The following GALNT3 variants were observed in gnomAD, a reference collection of about 807,000 sequenced individuals.
The protein encoded by GALNT3 is polypeptide N-acetylgalactosaminyltransferase 3.
In GALNT3, 51 loss-of-function variants were observed where a neutral mutation model predicts 69.8. The observed-to-expected ratio is 0.73, with a 90% CI of 0.58 to 0.92. The LOEUF (loss-of-function observed/expected upper bound fraction) is 0.92, where lower values mean the gene tolerates loss of function less well. Among genes scored for constraint, GALNT3 ranks in the 40% least tolerant of loss-of-function variants. The pLI, the probability that GALNT3 is intolerant of heterozygous loss-of-function variation, is 0.00. For synonymous variants in GALNT3, 265 were observed against 248.5 expected, an observed-to-expected ratio of 1.07 and a Z score of -0.63; for missense variants, 711 against 760.0, an observed-to-expected ratio of 0.94 and a Z score of 0.76.
chr2:165,748,731 A>G lies in GALNT3; in HGVS notation c.*50T>C. The G allele has an allele frequency of 6.5e-7, 1 of 1,537,860 alleles. No homozygotes were observed. The highest frequency in any genetic ancestry group is 8.9e-7 in the Non-Finnish European group (1 of 1,124,964). ...AAAACTACAGTGTATGCCTAGTCACAGTTTTATGAGAAAGAATATTTCCTT... is the reference window on the plus strand; with the variant it reads ...AAAACTACAGTGTATGCCTAGTCACGGTTTTATGAGAAAGAATATTTCCTT... On this transcript the variant is annotated 3_prime_UTR_variant, in exon 11 of 11. Coordinates refer to ENST00000392701, the MANE Select transcript of GALNT3 (RefSeq NM_004482.4).
intron 4 of GALNT3, chr2:165,761,617 G>GAAAAAA: frequency 1.8e-6 from 1 of 542,602 alleles, no homozygotes; most frequent in Non-Finnish European, 3.3e-6. Flanking sequence ...AAGAAACATG[G>GAAAAAA]AAAAAAAAAA....
Position 165,762,053 on chromosome 2 carries a change from C to T in GALNT3, c.690G>A (p.Glu230=). The T allele has an allele frequency of 6.5e-7, 1 of 1,536,858 alleles. No individual in the cohort carries two copies. The highest frequency in any genetic ancestry group is 9.0e-7 in the Non-Finnish European group (1 of 1,110,976). The part of the protein sequence containing the change: ...IILVDDASVD[E]YLHDKLDEYV... ...ATTCATCTAGTTTATCATGTAAGTA[C>T]TCTGTAAGGAAAAAAAATCAGGGTT... Residue 230 remains glutamate (E), a splice_region_variant and synonymous_variant, in exon 4 of 11, where the codon GAG becomes GAA. Coordinates refer to ENST00000392701, the MANE Select transcript of GALNT3 (RefSeq NM_004482.4).
At chr2:165,792,355 G>A (rs1683372190) in intron 1 of GALNT3, among the ~76,000 whole-genome samples, 1 of 152,170 alleles carries the variant, frequency 6.6e-6, no homozygotes, top group African/African-American at 2.4e-5. Context: ...AAGTAATGAA[G>A]ACTAATATTC....
intron 1 of GALNT3, among the ~76,000 whole-genome samples, chr2:165,784,571 G>C (rs1028603055): frequency 8.6e-5 from 13 of 152,042 alleles, no homozygotes; most frequent in African/African-American, 2.7e-4. Context: ...TAGCTAGCTA[G>C]GTGCTTGTAA....
At chr2:165,755,132 T>C (rs2105403394) in intron 7 of GALNT3, 69 bp from the exon 8 acceptor site, 1 of 1,333,598 alleles carries the variant, frequency 7.5e-7, no homozygotes, top group Non-Finnish European at 1.1e-6. Flanking sequence ...TAAAATACTC[T>C]TATTTGTATT....
chr2:165,757,508 T>C (rs1027577162), intron 6 of GALNT3, among the ~76,000 whole-genome samples: 4 of 152,236 alleles, frequency 2.6e-5, no homozygotes, highest in African/African-American at 9.6e-5. Flanking sequence ...TTCATAAAAA[T>C]GAATTCCAGG....
Position 165,747,698 on chromosome 2 carries a change from TACAAACAA to T in GALNT3, c.*1075_*1082del, listed in dbSNP as rs1688284294. ...TGCCATAAGAAATATCTGATGGTTT[TACAAACAA>T]TAGGCGCTTAGAAATTCAGCATACA... On this transcript the variant is annotated 3_prime_UTR_variant, in exon 11 of 11. Transcript: ENST00000392701. 6.5e-6 allele frequency: 1 copy of T among 154,618 alleles called. No individual in the cohort carries two copies. The highest frequency in any genetic ancestry group is 2.1e-4 in the South Asian group (1 of 4,850). The allele number at this position is 154,618 out of a possible 1,614,324, so 9.6% of individuals were successfully genotyped here. A position where few individuals can be genotyped will look rare whatever the true frequency, so the allele number is the denominator to read the frequency against.
intron 7 of GALNT3, among the ~76,000 whole-genome samples, chr2:165,756,699 T>G (rs1226012299): frequency 2.0e-5 from 3 of 151,908 alleles, no homozygotes; most frequent in Non-Finnish European, 4.4e-5. Flanking sequence ...TGTCTCTATC[T>G]CCAGTGCAAA....
Position 165,764,872 on chromosome 2 carries a change from G to A in GALNT3, c.688+12C>T. 1 of 1,613,764 alleles carries A rather than the reference G, an allele frequency of 6.2e-7. No individual in the cohort carries two copies. Among genetic ancestry groups the A allele is most frequent in the East Asian group, 2.2e-5 (1 of 44,870 alleles). On this transcript the variant is annotated intron_variant, in intron 3 of 10. Transcript: ENST00000392701. The stretch of plus-strand genomic sequence containing the variant: ...ATTTGGGAAACAATCTAATTTGCAT[G>A]TGCTTTCTTACCATCTACACTAGCA...
chr2:165,760,020 C>G (rs1688516422), intron 4 of GALNT3, among the ~76,000 whole-genome samples: 1 of 152,102 alleles, frequency 6.6e-6, no homozygotes, highest in African/African-American at 2.4e-5. Flanking sequence ...AAAAGATTCA[C>G]TACAGTTAGA....
chr2:165,772,375 A>T lies in GALNT3; in HGVS notation c.-108-1567T>A, dbSNP rs1646190232. On this transcript the variant is annotated intron_variant, in intron 1 of 10. Coordinates refer to ENST00000392701, the MANE Select transcript of GALNT3 (RefSeq NM_004482.4). ...TGAGGCCAGAGGATCACTTGAGACC[A>T]GGAGTTCGAGACCAGCCTGGGCAAC... Among the ~76,000 whole-genome samples, 4 of 152,174 alleles carry T rather than the reference A, an allele frequency of 2.6e-5. No homozygotes were observed. The South Asian group carries it at 8.3e-4, about 32-fold the overall frequency.
chr2:165,778,552 C>T (rs1683024212), intron 1 of GALNT3, among the ~76,000 whole-genome samples: 1 of 152,056 alleles, frequency 6.6e-6, no homozygotes, highest in Non-Finnish European at 1.5e-5. Context: ...TAAGGGGCAA[C>T]CACTCCCCCT....
At chr2:165,785,574 G>A (rs1399868944) in intron 1 of GALNT3, among the ~76,000 whole-genome samples, 1 of 152,076 alleles carries the variant, frequency 6.6e-6, no homozygotes, top group Non-Finnish European at 1.5e-5. Context: ...AATGTATGAA[G>A]GTAGAATAAA....
chr2:165,749,218 T>C (rs1019405808), intron 10 of GALNT3, among the ~76,000 whole-genome samples: 1 of 152,206 alleles, frequency 6.6e-6, no homozygotes, highest in East Asian at 1.9e-4. Flanking sequence ...TAAAAGCCAG[T>C]GTTAACGTTT....
intron 1 of GALNT3, among the ~76,000 whole-genome samples, chr2:165,773,489 G>A (rs573390324): frequency 6.6e-6 from 1 of 152,172 alleles, no homozygotes; most frequent in Admixed American, 6.5e-5. Context: ...AATGAGTAAA[G>A]TGATAACATT....
At chr2:165,783,576 T>A (rs1386389830) in intron 1 of GALNT3, among the ~76,000 whole-genome samples, 1 of 152,198 alleles carries the variant, frequency 6.6e-6, no homozygotes, top group Non-Finnish European at 1.5e-5. Context: ...AAGGACTAGA[T>A]AACAAATTTT....
intron 1 of GALNT3, among the ~76,000 whole-genome samples, chr2:165,793,169 C>T (rs1683388438): frequency 6.6e-6 from 1 of 152,098 alleles, no homozygotes; most frequent in African/African-American, 2.4e-5. Flanking sequence ...GGAATCTGGG[C>T]CTGGCACACC....
At chr2:165,784,781 T>C (rs1683184583) in intron 1 of GALNT3, among the ~76,000 whole-genome samples, 1 of 152,058 alleles carries the variant, frequency 6.6e-6, no homozygotes, top group Admixed American at 6.6e-5. Flanking sequence ...ACAGAGGCAA[T>C]GATAGAGGGT....
chr2:165,762,062 GA>G lies in GALNT3; in HGVS notation c.689-9del, dbSNP rs748228120. On this transcript the variant is annotated splice_polypyrimidine_tract_variant and intron_variant, in intron 3 of 10. Transcript: ENST00000392701. ...GTTTATCATGTAAGTACTCTGTAAGGAAAAAAAATCAGGGTTAATTCTTTCT... is the reference window on the plus strand; with the variant it reads ...GTTTATCATGTAAGTACTCTGTAAGGAAAAAAATCAGGGTTAATTCTTTCT... The G allele has an allele frequency of 6.6e-6, 10 of 1,514,080 alleles. No homozygotes were observed. Among genetic ancestry groups the G allele is most frequent in the South Asian group, 1.1e-5 (1 of 88,262 alleles). The allele number at this position is 1,514,080 out of a possible 1,614,324, so 93.8% of individuals were successfully genotyped here.
Sources: gnomAD v4.1 joint callset for allele counts (sites outside exome capture counted in the v4.1 genomes callset) on GRCh38, gnomAD v4.1.1 for gene constraint, MANE v1.5 for transcripts, NCBI Gene and HGNC (gene_info 2026-07-23, HGNC 2026-07-21) for gene names.